PRKN: variants seen among roughly 807,000 people sequenced by gnomAD.
The protein encoded by PRKN is E3 ubiquitin-protein ligase parkin.
A neutral mutation model predicts 59.5 loss-of-function variants in PRKN; 56 were observed. That is an observed-to-expected ratio of 0.94 (90% confidence interval 0.76 to 1.18). PRKN has a LOEUF of 1.18. Among genes scored for constraint, PRKN ranks in the 50% most tolerant of loss-of-function variants. The pLI is 0.00. For synonymous variants in PRKN, 250 were observed against 222.1 expected, an observed-to-expected ratio of 1.13 and a Z score of -1.12; for missense variants, 657 against 596.4, an observed-to-expected ratio of 1.10 and a Z score of -1.06.
rs569106765 is a variant in PRKN, at chr6:162,264,011, C to A, written c.172-1246G>T. On this transcript the variant is annotated intron_variant, in intron 2 of 11. Coordinates refer to ENST00000366898, the MANE Select transcript of PRKN (RefSeq NM_004562.3). ...CGATGTGGCCGGCCGCAGTGGCTCA[C>A]ACCTGTAATCCCAGCACTTTGGGAG... Among the ~76,000 whole-genome samples, 63 of 152,078 alleles carry A rather than the reference C, an allele frequency of 4.1e-4. 1 individual carries two copies. The highest frequency in any genetic ancestry group is 1.5e-3 in the African/African-American group (63 of 41,500).
rs553270538 is a variant in PRKN at position 161,841,857 on chromosome 6, A to G, written c.735-55949T>C. The stretch of plus-strand genomic sequence containing the variant: ...TACTTTGCCTTCTGAGTAATTTTCT[A>G]TCCAACAACCCCCAACCACTCTGTC... On this transcript the variant is annotated intron_variant, in intron 6 of 11. Transcript: ENST00000366898. 1.0e-3 allele frequency among the ~76,000 whole-genome samples: 153 copies of G among 152,224 alleles called. 7 individuals carry two copies. The South Asian group carries it at 0.03, about 30-fold the overall frequency.
chr6:161,984,804 C>T (rs778330977), intron 5 of PRKN, among the ~76,000 whole-genome samples: 7 of 152,094 alleles, frequency 4.6e-5, no homozygotes, highest in Admixed American at 1.3e-4. Context: ...CATGAAGGGT[C>T]CCTGACTCCA....
intron 5 of PRKN, among the ~76,000 whole-genome samples, chr6:162,040,334 TCTA>T (rs1004786684): frequency 1.3e-5 from 2 of 152,142 alleles, no homozygotes; most frequent in African/African-American, 4.8e-5. Flanking sequence ...CAGCATAAGT[TCTA>T]CTGTTTTCTG....
intron 6 of PRKN, among the ~76,000 whole-genome samples, chr6:161,791,230 T>C (rs1466465362): frequency 1.3e-5 from 2 of 152,226 alleles, no homozygotes; most frequent in South Asian, 2.1e-4. Flanking sequence ...ATGATTTCTC[T>C]GTTTTGATAA....
intron 1 of PRKN, among the ~76,000 whole-genome samples, chr6:162,507,811 C>T (rs1793674382): frequency 6.6e-6 from 1 of 152,296 alleles, no homozygotes; most frequent in Non-Finnish European, 1.5e-5. Flanking sequence ...TTATCCTTGG[C>T]ATTCTGCACA....
chr6:161,864,745 G>A (rs975896890), intron 6 of PRKN, among the ~76,000 whole-genome samples: 6 of 151,910 alleles, frequency 3.9e-5, no homozygotes, highest in Admixed American at 2.0e-4. Context: ...CAACCTCCAC[G>A]TCCCAAGTTC....
chr6:162,028,500 G>C (rs1783520409), intron 5 of PRKN, among the ~76,000 whole-genome samples: 1 of 152,208 alleles, frequency 6.6e-6, no homozygotes, highest in African/African-American at 2.4e-5. Context: ...TGCTCCTGTG[G>C]AGGTGTGCGT....
At chr6:161,746,586 T>TAC (rs201173808) in intron 7 of PRKN, among the ~76,000 whole-genome samples, 3,986 of 146,034 alleles carry the variant, frequency 0.027, 196 homozygotes, top group African/African-American at 0.095. Context: ...TATATATATA[T>TAC]ACACACACAC....
At chr6:161,387,651 A>T (rs191003284) in intron 9 of PRKN, among the ~76,000 whole-genome samples, 11 of 152,356 alleles carry the variant, frequency 7.2e-5, no homozygotes, top group Admixed American at 2.6e-4. Context: ...CATTCACAGA[A>T]GATTTATATG....
intron 6 of PRKN, among the ~76,000 whole-genome samples, chr6:161,899,518 G>A (rs1777802623): frequency 6.6e-6 from 1 of 152,168 alleles, no homozygotes; most frequent in Non-Finnish European, 1.5e-5. Context: ...TCATCACTGG[G>A]AAGTGGGGTT....
In PRKN at chr6:161,546,790, T is replaced by G. The variant is rs779863573; in HGVS notation, c.1083+2064A>C. 6.6e-6 allele frequency among the ~76,000 whole-genome samples: 1 copy of G among 151,920 alleles called. No homozygotes were observed. The highest frequency in any genetic ancestry group is 1.5e-5 in the Non-Finnish European group (1 of 67,886). ...TGGTCCTACAAGGCACTGTAGCTTC[T>G]CTCTGTTCTCTCTTTTGGACAACTT... is the stretch of plus-strand genomic sequence containing the variant. On this transcript the variant is annotated intron_variant, in intron 9 of 11. Coordinates refer to ENST00000366898, the MANE Select transcript of PRKN (RefSeq NM_004562.3). The surrounding 1 kb of genome is among the most constrained non-coding windows in gnomAD (Gnocchi z 4.4).
At chr6:162,003,471 T>C (rs1193228130) in intron 5 of PRKN, among the ~76,000 whole-genome samples, 2 of 152,170 alleles carry the variant, frequency 1.3e-5, no homozygotes, top group Non-Finnish European at 2.9e-5. Flanking sequence ...CTGAGCCCCA[T>C]AGCCTTGGCT....
intron 8 of PRKN, among the ~76,000 whole-genome samples, chr6:161,555,963 G>C (rs377249795): frequency 1.7e-4 from 26 of 152,176 alleles, no homozygotes; most frequent in Admixed American, 1.1e-3. Context: ...TTAAGTAATT[G>C]ACTATTTTCT....
intron 5 of PRKN, among the ~76,000 whole-genome samples, chr6:161,977,800 G>A (rs371695188): frequency 6.6e-6 from 1 of 150,700 alleles, no homozygotes. Flanking sequence ...GCCCACCTTG[G>A]CCTCCCAAAG....
At chr6:162,159,513 T>G (rs2849577) in intron 4 of PRKN, among the ~76,000 whole-genome samples, 13,439 of 152,186 alleles carry the variant, frequency 0.088, 1,112 homozygotes, top group East Asian at 0.4. Context: ...AAATTCAATA[T>G]TGTTCAGATC....
Position 162,507,424 on chromosome 6 carries a change from G to GA in PRKN, c.8-63952dup, listed in dbSNP as rs200666247. Reference sequence around the variant, plus strand: ...CTTCCTGTCTCTCAAAAAAAGAAAAGAAAAAAAATTATATATATATACGCA... The same window carrying GA: ...CTTCCTGTCTCTCAAAAAAAGAAAAGAAAAAAAAATTATATATATATACGCA... On this transcript the variant is annotated intron_variant, in intron 1 of 11. Transcript: ENST00000366898. Among the ~76,000 whole-genome samples the GA allele has an allele frequency of 5.2e-3, 792 of 151,736 alleles. 7 individuals carry two copies. The highest frequency in any genetic ancestry group is 0.018 in the African/African-American group (765 of 41,396).
At chr6:161,872,958 T>C (rs1409689156) in intron 6 of PRKN, among the ~76,000 whole-genome samples, 1 of 105,692 alleles carries the variant, frequency 9.5e-6, no homozygotes, top group Non-Finnish European at 2.2e-5. Flanking sequence ...CATACAGTAA[T>C]GACTTTTTTT....
intron 7 of PRKN, among the ~76,000 whole-genome samples, chr6:161,682,750 G>A (rs552782677): frequency 1.3e-5 from 2 of 152,144 alleles, no homozygotes; most frequent in African/African-American, 2.4e-5. Context: ...TGCAAGACGC[G>A]AGGCCTGGTG....
chr6:161,441,646 TAAAAAAAAAAAA>T (rs549048343), intron 9 of PRKN, among the ~76,000 whole-genome samples: 14 of 97,538 alleles, frequency 1.4e-4, no homozygotes, highest in Admixed American at 1.2e-3. Context: ...CTCTGTCTCT[TAAAAAAAAAAAA>T]AAAAAAAAAA....
Sources: gnomAD v4.1 joint callset for allele counts (sites outside exome capture counted in the v4.1 genomes callset) on GRCh38, gnomAD v4.1.1 for gene constraint, Gnocchi (gnomAD v3.1) non-coding constraint, MANE v1.5 for transcripts, NCBI Gene and HGNC (gene_info 2026-07-23, HGNC 2026-07-21) for gene names.